The following TPPP variants were observed in gnomAD, a reference collection of about 807,000 sequenced individuals.
The protein encoded by TPPP is tubulin polymerization promoting protein, also known as tubulin polymerization-promoting protein.
Under a neutral mutation model 15.5 loss-of-function variants are expected in TPPP, and 6 were observed. The ratio of observed to expected loss-of-function variants is 0.39; its 90% confidence interval spans 0.21 to 0.77. The LOEUF (loss-of-function observed/expected upper bound fraction) is 0.77, where lower values mean the gene tolerates loss of function less well. Among genes scored for constraint, TPPP ranks in the 30% least tolerant of loss-of-function variants. The pLI, the probability that TPPP is intolerant of heterozygous loss-of-function variation, is 0.42. For missense variants in TPPP, 269 were observed against 307.2 expected (o/e 0.88, Z 0.93); for synonymous variants, 146 against 133.9 (o/e 1.09, Z -0.63).
intron 1 of TPPP, among the ~76,000 whole-genome samples, chr5:685,976 C>T (rs939740192): frequency 2.0e-5 from 3 of 152,192 alleles, no homozygotes; most frequent in Admixed American, 6.5e-5. Flanking sequence ...ACTTTGCCAC[C>T]GAATGGCCAC....
upstream of TPPP, among the ~76,000 whole-genome samples, chr5:698,348 C>G (rs1741049492): frequency 6.6e-6 from 1 of 152,044 alleles, no homozygotes; most frequent in Non-Finnish European, 1.5e-5. Flanking sequence ...AAAGGGAATG[C>G]ACATTGGAGA....
At chr5:670,941 C>T (rs1379760570) in intron 2 of TPPP, among the ~76,000 whole-genome samples, 2 of 152,236 alleles carry the variant, frequency 1.3e-5, no homozygotes, top group Non-Finnish European at 1.5e-5. Flanking sequence ...CGGAGCCCTT[C>T]CTGCACCCTA....
At chr5:685,176 G>T (rs2126910860) in intron 1 of TPPP, among the ~76,000 whole-genome samples, 1 of 152,322 alleles carries the variant, frequency 6.6e-6, no homozygotes. Context: ...ATCCTGAGAG[G>T]TCACTGGTCC....
chr5:700,378 T>C, the TPPP span, among the ~76,000 whole-genome samples: 2 of 151,946 alleles, frequency 1.3e-5, no homozygotes, highest in Non-Finnish European at 2.9e-5. Flanking sequence ...AAGTGGGAGC[T>C]AAACAATGTA....
intron 1 of TPPP, among the ~76,000 whole-genome samples, chr5:688,613 G>C (rs1207213008): frequency 1.3e-5 from 2 of 151,470 alleles, no homozygotes; most frequent in Non-Finnish European, 3.0e-5. Context: ...CCAGGTGCCA[G>C]GTGGGGCCCT....
chr5:678,404 TGTGACTGGCAGCATCAGAGCCTATTCCGG>T (rs1348750291), intron 1 of TPPP, among the ~76,000 whole-genome samples: 1 of 143,998 alleles, frequency 6.9e-6, no homozygotes, highest in African/African-American at 2.9e-5. Context: ...AGGCTCAGTG[TGTGACTGGCAGCATCAGAGCCTATTCCGG>T]GTCCCCTCCC....
intron 1 of TPPP, among the ~76,000 whole-genome samples, chr5:688,380 G>A (rs547511969): frequency 4.5e-3 from 645 of 144,822 alleles, no homozygotes; most frequent in African/African-American, 0.015. Context: ...ACGCAGTGTG[G>A]ACGGACCACT....
intron 2 of TPPP, among the ~76,000 whole-genome samples, chr5:673,207 G>A (rs569030676): frequency 3.9e-5 from 6 of 152,270 alleles, no homozygotes; most frequent in Admixed American, 6.5e-5. Context: ...CCCGGAAATC[G>A]AAGGAAAATC....
intron 1 of TPPP, among the ~76,000 whole-genome samples, chr5:680,610 G>A (rs1740595803): frequency 6.6e-6 from 1 of 150,764 alleles, no homozygotes; most frequent in Admixed American, 6.6e-5. Context: ...GGGAAAAGTG[G>A]AACCCGTCCC....
At chr5:676,324 AT>A (rs1740429351) in intron 2 of TPPP, 1 of 152,274 alleles carries the variant, frequency 6.6e-6, no homozygotes, top group East Asian at 1.9e-4. Flanking sequence ...CACATGTGAC[AT>A]CGCCACGGAG....
chr5:679,933 G>A (rs1057133598), intron 1 of TPPP, among the ~76,000 whole-genome samples: 1 of 103,954 alleles, frequency 9.6e-6, no homozygotes, highest in African/African-American at 5.2e-5. Context: ...AGGGCTGAGC[G>A]GGACATAAAA....
chr5:687,366 G>GA (rs1406403569), intron 1 of TPPP, among the ~76,000 whole-genome samples: 1 of 126,044 alleles, frequency 7.9e-6, no homozygotes, highest in Non-Finnish European at 1.8e-5. Context: ...AGGTGGCACT[G>GA]AGAGACCACA....
intron 1 of TPPP, among the ~76,000 whole-genome samples, chr5:687,284 G>A (rs1247765493): frequency 7.2e-6 from 1 of 138,636 alleles, no homozygotes; most frequent in Non-Finnish European, 1.6e-5. Context: ...AGAAGCCTCT[G>A]GACACAGTGA....
intron 1 of TPPP, among the ~76,000 whole-genome samples, chr5:678,636 G>A (rs1311096416): frequency 5.1e-5 from 7 of 138,066 alleles, no homozygotes; most frequent in East Asian, 2.0e-4. Context: ...GGGAGGGTGC[G>A]TGGTGGCCCT....
At chr5:686,357 T>C (rs1266339748) in intron 1 of TPPP, among the ~76,000 whole-genome samples, 2 of 152,052 alleles carry the variant, frequency 1.3e-5, no homozygotes, top group Admixed American at 6.5e-5. Flanking sequence ...GGAGGCACAA[T>C]GGGTTACAGG....
chr5:664,987 C>T lies in TPPP; in HGVS notation c.*115G>A, dbSNP rs959553665. The T allele has an allele frequency of 2.3e-6, 3 of 1,325,296 alleles. No homozygotes were observed. The highest frequency in any genetic ancestry group is 2.4e-5 in the East Asian group (1 of 42,320). 82.1% of individuals were successfully genotyped at this position (1,325,296 alleles called of 1,614,324 possible). A position where few individuals can be genotyped will look rare whatever the true frequency, so the allele number is the denominator to read the frequency against. On this transcript the variant is annotated 3_prime_UTR_variant, in exon 4 of 4. Coordinates refer to ENST00000360578, the MANE Select transcript of TPPP (RefSeq NM_007030.3). ...CTGGGCCTGGCCGCCCCCCAGCCCC[C>T]TCTGGGGCACCCGTCTGAGTTCTGC...
chr5:670,078 AGTCCCCT>A (rs3840309), intron 2 of TPPP, among the ~76,000 whole-genome samples: 41,882 of 151,888 alleles, frequency 0.28, 6,588 homozygotes, highest in South Asian at 0.43. Context: ...CCAGGCTCTG[AGTCCCCT>A]GGCCTCTGGG....
chr5:682,043 T>A (rs1740638872), intron 1 of TPPP, among the ~76,000 whole-genome samples: 1 of 151,128 alleles, frequency 6.6e-6, no homozygotes, highest in Admixed American at 6.6e-5. Flanking sequence ...CTGGGCCCCA[T>A]TTGTCAGAAT....
intron 2 of TPPP, among the ~76,000 whole-genome samples, chr5:671,132 C>G (rs1002700869): frequency 6.6e-6 from 1 of 152,220 alleles, no homozygotes; most frequent in African/African-American, 2.4e-5. Context: ...CTACCGAAGG[C>G]TCCCCCCTGC....
Sources: allele counts gnomAD v4.1 joint callset (sites outside exome capture counted in the v4.1 genomes callset), GRCh38; gene constraint gnomAD v4.1.1; transcripts MANE v1.5; gene names NCBI Gene and HGNC (gene_info 2026-07-23, HGNC 2026-07-21).